Variants in COLQ observed in about 807,000 individuals in gnomAD.
The protein encoded by COLQ is collagen like tail subunit of asymmetric acetylcholinesterase, also known as acetylcholinesterase collagenic tail peptide.
Under a neutral mutation model 69.0 loss-of-function variants are expected in COLQ, and 48 were observed. The ratio of observed to expected loss-of-function variants is 0.70; its 90% CI spans 0.55 to 0.88. The LOEUF (loss-of-function observed/expected upper bound fraction) is 0.88. COLQ is among the 40% of genes least tolerant of loss of function. The pLI is 0.00. For missense variants in COLQ, 618 were observed against 594.6 expected, an observed-to-expected ratio of 1.04 and a Z score of -0.41; for synonymous variants, 217 against 211.2, an observed-to-expected ratio of 1.03 and a Z score of -0.24.
chr3:15,463,953 T>A (rs1459720913), intron 12 of COLQ, among the ~76,000 whole-genome samples: 4 of 152,240 alleles, frequency 2.6e-5, no homozygotes, highest in Admixed American at 2.0e-4. Context: ...CCCATACTAA[T>A]CAGTGTTTGT....
At position 15,475,406 on chromosome 3, in the gene COLQ, A is replaced by G. The variant is rs1243247123; in HGVS notation, c.528+19T>C. The G allele has an allele frequency of 6.9e-6, 11 of 1,584,694 alleles. No individual in the cohort carries two copies. Among genetic ancestry groups the G allele is most frequent in the African/African-American group, 1.3e-5 (1 of 74,466 alleles). On this transcript the variant is annotated intron_variant, in intron 7 of 16. Transcript: ENST00000383788. ...GCCTGACAGAGATCTGGGAACGTCC[A>G]TTTGGACCCCACACTGACCTTGGAG... is the stretch of plus-strand genomic sequence containing the variant.
At chr3:15,463,944 C>A (rs757615289) in intron 12 of COLQ, among the ~76,000 whole-genome samples, 2 of 152,220 alleles carry the variant, frequency 1.3e-5, no homozygotes, top group Non-Finnish European at 2.9e-5. Flanking sequence ...AAGTTATTAC[C>A]CATACTAATC....
chr3:15,504,495 T>C (rs926151793), intron 1 of COLQ, among the ~76,000 whole-genome samples: 4 of 152,230 alleles, frequency 2.6e-5, no homozygotes, highest in African/African-American at 9.6e-5. Flanking sequence ...ACCAGTCAAG[T>C]TGGATTAATG....
At chr3:15,485,277 C>T (rs903318794) in intron 3 of COLQ, among the ~76,000 whole-genome samples, 1 of 152,196 alleles carries the variant, frequency 6.6e-6, no homozygotes, top group African/African-American at 2.4e-5. Context: ...CTCAGAGGGG[C>T]ACCCAGCTGT....
intron 1 of COLQ, among the ~76,000 whole-genome samples, chr3:15,499,733 T>C (rs1298395436): frequency 6.6e-6 from 1 of 152,238 alleles, no homozygotes; most frequent in Admixed American, 6.5e-5. Context: ...TTCCCGCCCT[T>C]GGAATGTGTC....
chr3:15,520,947 AG>A (rs999401810), intron 1 of COLQ, among the ~76,000 whole-genome samples: 4 of 152,172 alleles, frequency 2.6e-5, no homozygotes, highest in African/African-American at 4.8e-5. Flanking sequence ...AGTCGCACCC[AG>A]GAAGACAGGT....
intron 14 of COLQ, 103 bp from the exon 15 acceptor site, chr3:15,456,122 G>T (rs759779155): frequency 1.5e-6 from 2 of 1,350,936 alleles, no homozygotes; most frequent in Non-Finnish European, 2.1e-6. Context: ...TGGGGGGCAT[G>T]CCTTGACTTC....
chr3:15,466,292 G>A (rs752815614), intron 12 of COLQ, 49 bp downstream of exon 12: 2 of 1,363,468 alleles, frequency 1.5e-6, no homozygotes, highest in Non-Finnish European at 2.1e-6. Context: ...TCTCTGGGAG[G>A]CTGGCCAGTA....
intron 1 of COLQ, among the ~76,000 whole-genome samples, chr3:15,515,911 T>A (rs1028424794): frequency 2.0e-5 from 3 of 152,192 alleles, no homozygotes; most frequent in African/African-American, 7.2e-5. Context: ...TGGAGCTGTG[T>A]TGTTTTTGTA....
intron 1 of COLQ, among the ~76,000 whole-genome samples, chr3:15,499,612 A>G (rs2062804191): frequency 6.6e-6 from 1 of 152,254 alleles, no homozygotes; most frequent in African/African-American, 2.4e-5. Context: ...CAAGCCCTGC[A>G]CTATAACCTT....
rs1479247350 is a variant in COLQ at position 15,458,342 on chromosome 3, T to TTCTGTGTTACTAGA, written c.815-18_815-17insTCTAGTAACACAGA. ...TAAGTTGTCCTAGGAAGCAACAGAC[T>TTCTGTGTTACTAGA]GCTGTGTTACTAGAGCCAAGGAAGA... On this transcript the variant is annotated splice_polypyrimidine_tract_variant and intron_variant, in intron 12 of 16. Coordinates refer to ENST00000383788, the MANE Select transcript of COLQ (RefSeq NM_005677.4). The TTCTGTGTTACTAGA allele has an allele frequency of 6.2e-7, 1 of 1,613,896 alleles. No individual in the cohort carries two copies.
Position 15,456,539 on chromosome 3 carries a change from T to C in COLQ, c.995A>G (p.Asn332Ser). 6.2e-7 allele frequency: 1 copy of C among 1,614,148 alleles called. No homozygotes were observed. Among genetic ancestry groups the C allele is most frequent in the Non-Finnish European group, 8.5e-7 (1 of 1,180,008 alleles). ...VNNQEELERL[N>S]TQNAIAFRRD... ...GCGGAAGGCAATGGCGTTTTGGGTG[T>C]TCAGCCTCTCAAGCTCCTCCTGGTT... The change falls in exon 14 of 17, where the codon AAC becomes AGC. Residue 332 changes from asparagine to serine, a missense_variant. Transcript: ENST00000383788.
chr3:15,473,867 C>T lies in COLQ; in HGVS notation c.636+133G>A, dbSNP rs2062331463. 9.8e-7 allele frequency: 1 copy of T among 1,023,458 alleles called. No homozygotes were observed. The highest frequency in any genetic ancestry group is 1.4e-5 in the South Asian group (1 of 72,824). 63.4% of individuals were successfully genotyped at this position (1,023,458 alleles called of 1,614,324 possible). The stretch of plus-strand genomic sequence containing the variant: ...GGGTGAAAAGCAACTTGCTTCCCGT[C>T]CCAAAATAGAAGTTTCCATGGTTAA... On this transcript the variant is annotated intron_variant, in intron 10 of 16. Coordinates refer to ENST00000383788, the MANE Select transcript of COLQ (RefSeq NM_005677.4). The surrounding 1 kb of genome is among the most constrained non-coding windows in gnomAD (Gnocchi z 4.0).
At chr3:15,478,071 C>T (rs2062410868) in intron 5 of COLQ, among the ~76,000 whole-genome samples, 1 of 152,208 alleles carries the variant, frequency 6.6e-6, no homozygotes, top group Non-Finnish European at 1.5e-5. Context: ...AATCCTGGCA[C>T]GTGTACTGGT....
intron 11 of COLQ, among the ~76,000 whole-genome samples, chr3:15,468,805 C>G (rs2125107187): frequency 6.6e-6 from 1 of 152,264 alleles, no homozygotes; most frequent in African/African-American, 2.4e-5. Context: ...GGGTCTTGGG[C>G]AAGCAACTCC....
intron 3 of COLQ, among the ~76,000 whole-genome samples, chr3:15,481,057 TCTTTGTAGATTTTGGATATTAGCC>T (rs1289332862): frequency 5.9e-5 from 9 of 152,216 alleles, no homozygotes; most frequent in African/African-American, 1.2e-4. Context: ...TTGCTTAAGT[TCTTTGTAGATTTTGGATATTAGCC>T]CTTTGTAGAT....
chr3:15,496,159 C>T (rs929918701), intron 1 of COLQ: 2 of 152,652 alleles, frequency 1.3e-5, no homozygotes, highest in East Asian at 3.8e-4. Context: ...TCAGTGACCA[C>T]AAATTATCAG....
At chr3:15,455,660 AC>A (rs2062013210) in intron 15 of COLQ, among the ~76,000 whole-genome samples, 1 of 152,184 alleles carries the variant, frequency 6.6e-6, no homozygotes, top group South Asian at 2.1e-4. Context: ...AGAAGGCCTA[AC>A]TGGGGGCAGG....
chr3:15,474,771 C>G (rs1332196047), intron 8 of COLQ, among the ~76,000 whole-genome samples, 154 bp downstream of exon 8: 1 of 152,216 alleles, frequency 6.6e-6, no homozygotes, highest in African/African-American at 2.4e-5. Flanking sequence ...CCTCACTTCT[C>G]TCTCAGTCCA....
Sources: gnomAD v4.1 joint callset for allele counts (sites outside exome capture counted in the v4.1 genomes callset) on GRCh38, gnomAD v4.1.1 for gene constraint, Gnocchi (gnomAD v3.1) non-coding constraint, MANE v1.5 for transcripts, NCBI Gene and HGNC (gene_info 2026-07-23, HGNC 2026-07-21) for gene names.